The following MAF variants were observed in gnomAD, a reference collection of about 807,000 sequenced individuals.
The protein encoded by MAF is MAF bZIP transcription factor.
A neutral mutation model predicts 22.0 loss-of-function variants in MAF; 10 were observed. The observed-to-expected ratio is 0.45, with a 90% confidence interval of 0.28 to 0.77. MAF has a LOEUF of 0.77. Among genes scored for constraint, MAF ranks in the 30% least tolerant of loss-of-function variants. MAF has a pLI of 0.12. For missense variants in MAF, 544 were observed against 548.4 expected (o/e 0.99, Z 0.08); for synonymous variants, 337 against 255.8 (o/e 1.32, Z -3.03).
At chr16:79,548,937 T>C in the MAF span, among the ~76,000 whole-genome samples, 4 of 152,210 alleles carry the variant, frequency 2.6e-5, no homozygotes, top group Admixed American at 2.6e-4. Flanking sequence ...TAGCTAGTTA[T>C]TCTGTGCACC....
At chr16:79,559,836 T>C in the MAF span, among the ~76,000 whole-genome samples, 1 of 152,236 alleles carries the variant, frequency 6.6e-6, no homozygotes, top group African/African-American at 2.4e-5. Context: ...GCATGGATGC[T>C]TGAAAGTTCT....
the MAF span, among the ~76,000 whole-genome samples, chr16:79,559,148 C>G: frequency 1.1e-3 from 166 of 152,154 alleles, no homozygotes; most frequent in South Asian, 1.5e-3. Flanking sequence ...GTGGTTTGGG[C>G]GGGCTTAGCT....
At chr16:79,367,922 G>T in the MAF span, among the ~76,000 whole-genome samples, 2 of 152,196 alleles carry the variant, frequency 1.3e-5, no homozygotes, top group Non-Finnish European at 2.9e-5. Context: ...GAGGAGAAAT[G>T]CTTTCCAAAG....
the MAF span, among the ~76,000 whole-genome samples, chr16:79,233,638 T>A: frequency 6.6e-6 from 1 of 151,980 alleles, no homozygotes; most frequent in Non-Finnish European, 1.5e-5. Flanking sequence ...TGGGATACCG[T>A]TAAAACTTCC....
the MAF span, among the ~76,000 whole-genome samples, chr16:79,263,899 C>A: frequency 2.0e-5 from 3 of 152,196 alleles, no homozygotes; most frequent in African/African-American, 7.2e-5. Flanking sequence ...GGTGGTCCCA[C>A]ATCCCTTAAT....
chr16:79,258,150 C>T, the MAF span, among the ~76,000 whole-genome samples: 1 of 152,120 alleles, frequency 6.6e-6, no homozygotes, highest in Non-Finnish European at 1.5e-5. Flanking sequence ...GCTGCATTTC[C>T]CTAAGAAAGG....
At chr16:79,440,563 G>A in the MAF span, among the ~76,000 whole-genome samples, 1 of 152,120 alleles carries the variant, frequency 6.6e-6, no homozygotes, top group African/African-American at 2.4e-5. Context: ...ACTCTCCTGA[G>A]TAGCTGGAAC....
the MAF span, among the ~76,000 whole-genome samples, chr16:79,550,648 T>C: frequency 1.3e-5 from 2 of 152,300 alleles, no homozygotes; most frequent in Non-Finnish European, 2.9e-5. Context: ...TAGAGCCTCA[T>C]GATATCTCAC....
the MAF span, among the ~76,000 whole-genome samples, chr16:79,508,628 G>C: frequency 2.6e-5 from 4 of 152,126 alleles, no homozygotes; most frequent in Non-Finnish European, 5.9e-5. Context: ...CATCCTACCA[G>C]AGCCCACTTT....
chr16:79,581,991 T>C (rs143830079), downstream of MAF, among the ~76,000 whole-genome samples: 3 of 152,336 alleles, frequency 2.0e-5, no homozygotes, highest in East Asian at 5.8e-4. Flanking sequence ...GCTAATAATT[T>C]TACTGTATTT....
chr16:79,507,944 T>A, the MAF span, among the ~76,000 whole-genome samples: 1 of 152,168 alleles, frequency 6.6e-6, no homozygotes, highest in Non-Finnish European at 1.5e-5. Flanking sequence ...AAAATCTCAT[T>A]CTTTTTAAGT....
chr16:79,255,910 C>T, the MAF span, among the ~76,000 whole-genome samples: 2 of 151,656 alleles, frequency 1.3e-5, no homozygotes, highest in Non-Finnish European at 2.9e-5. Context: ...AAATGATCAA[C>T]ACTGAAAGCT....
At chr16:79,299,576 GC>G in the MAF span, among the ~76,000 whole-genome samples, 3 of 151,958 alleles carry the variant, frequency 2.0e-5, no homozygotes, top group African/African-American at 4.8e-5. Flanking sequence ...CGGTGGGTCT[GC>G]CCCCACCCCT....
the MAF span, among the ~76,000 whole-genome samples, chr16:79,382,987 T>C: frequency 1.3e-5 from 2 of 152,232 alleles, no homozygotes; most frequent in East Asian, 1.9e-4. Flanking sequence ...ATCCATTCAA[T>C]ATTTACTAAG....
chr16:79,596,159 G>A, intron 1 of MAF: 1 of 1,063,042 alleles, frequency 9.4e-7, no homozygotes, highest in Non-Finnish European at 1.1e-6. Flanking sequence ...CTGATCAGAA[G>A]TGTAGGGCCA....
At chr16:79,374,301 G>A in the MAF span, among the ~76,000 whole-genome samples, 1 of 152,174 alleles carries the variant, frequency 6.6e-6, no homozygotes, top group African/African-American at 2.4e-5. Flanking sequence ...GAATCTCAGT[G>A]TTGTTCTTGG....
the MAF span, among the ~76,000 whole-genome samples, chr16:79,474,481 G>A: frequency 2.0e-5 from 3 of 152,190 alleles, no homozygotes; most frequent in Admixed American, 6.5e-5. Flanking sequence ...GAGGCAAGGG[G>A]AAGGGAATGG....
chr16:79,455,649 A>G, the MAF span, among the ~76,000 whole-genome samples: 1 of 152,258 alleles, frequency 6.6e-6, no homozygotes, highest in South Asian at 2.1e-4. Context: ...TATGTCAGAT[A>G]TATTTACATT....
the MAF span, among the ~76,000 whole-genome samples, chr16:79,224,981 C>G: frequency 9.2e-5 from 14 of 152,118 alleles, 1 homozygote; most frequent in South Asian, 4.2e-4. Flanking sequence ...CAAGCTACCA[C>G]TGACTTTCTT....
Sources: gnomAD v4.1 joint callset for allele counts (sites outside exome capture counted in the v4.1 genomes callset) on GRCh38, gnomAD v4.1.1 for gene constraint, MANE v1.5 for transcripts, NCBI Gene and HGNC (gene_info 2026-07-23, HGNC 2026-07-21) for gene names.